MYO5B: variants seen among roughly 807,000 people sequenced by gnomAD.
MYO5B encodes unconventional myosin-Vb.
MYO5B carries 143 observed loss-of-function variants against 229.3 expected under a neutral mutation model. The observed-to-expected ratio is 0.62, with a 90% CI of 0.54 to 0.72. MYO5B has a LOEUF of 0.72. Among genes scored for constraint, MYO5B ranks in the 30% least tolerant of loss-of-function variants. MYO5B has a pLI of 0.00. For synonymous variants in MYO5B, 918 were observed against 885.2 expected (o/e 1.04, Z -0.66); for missense variants, 2,321 against 2,331.0 (o/e 1.00, Z 0.09).
chr18:50,074,743 C>T (rs2852091), intron 1 of MYO5B, among the ~76,000 whole-genome samples: 39,218 of 152,052 alleles, frequency 0.26, 5,580 homozygotes, highest in Admixed American at 0.36. Flanking sequence ...TTATCTGAAA[C>T]GATCAGGTTC....
chr18:49,839,378 T>C, intron 35 of MYO5B, 84 bp from the exon 36 acceptor site: 2 of 1,532,668 alleles, frequency 1.3e-6, no homozygotes, highest in Non-Finnish European at 1.8e-6. Context: ...ACTTTAGTCA[T>C]CTATTTGGTG....
At chr18:49,942,487 G>C (rs1418658477) in intron 14 of MYO5B, among the ~76,000 whole-genome samples, 12 of 149,384 alleles carry the variant, frequency 8.0e-5, no homozygotes, top group Non-Finnish European at 1.6e-4. Context: ...CTAATATCCA[G>C]AATCTACAAT....
At chr18:50,137,602 A>G (rs1467178083) in intron 1 of MYO5B, among the ~76,000 whole-genome samples, 1 of 152,192 alleles carries the variant, frequency 6.6e-6, no homozygotes, top group Non-Finnish European at 1.5e-5. Context: ...AAACAGAACC[A>G]CCATTCAACT....
intron 32 of MYO5B, 32 bp from the exon 33 acceptor site, chr18:49,847,321 G>T (rs369740451): frequency 6.2e-7 from 1 of 1,608,336 alleles, no homozygotes. Context: ...AAGCATGGAT[G>T]AGACTTCCAG....
At chr18:49,844,409 C>A (rs572963279) in intron 33 of MYO5B, among the ~76,000 whole-genome samples, 3 of 152,178 alleles carry the variant, frequency 2.0e-5, no homozygotes, top group Non-Finnish European at 4.4e-5. Context: ...CCCTCCCAAA[C>A]GAGGCCTCAT....
chr18:50,026,372 A>G (rs553957489), intron 4 of MYO5B, among the ~76,000 whole-genome samples: 1 of 152,382 alleles, frequency 6.6e-6, no homozygotes, highest in East Asian at 1.9e-4. Context: ...AGCCACTAAC[A>G]GTGCAATTTC....
chr18:50,093,732 C>T (rs139921475), intron 1 of MYO5B, among the ~76,000 whole-genome samples: 6 of 151,724 alleles, frequency 4.0e-5, no homozygotes, highest in African/African-American at 7.3e-5. Flanking sequence ...TCGTCCTCAG[C>T]GCTCATTAAA....
At chr18:49,873,513 T>TC (rs1598848318) in intron 26 of MYO5B, among the ~76,000 whole-genome samples, 1 of 152,180 alleles carries the variant, frequency 6.6e-6, no homozygotes, top group East Asian at 1.9e-4. Flanking sequence ...TTAAAACCCC[T>TC]CCAAGGTACC....
At chr18:50,077,482 AAAACACACACACACACAC>A (rs1225765768) in intron 1 of MYO5B, among the ~76,000 whole-genome samples, 1 of 122,208 alleles carries the variant, frequency 8.2e-6, no homozygotes, top group Non-Finnish European at 1.8e-5. Flanking sequence ...TGATCAAGGC[AAAACACACACACACACAC>A]AAACACACAC....
chr18:49,933,940 A>G (rs1382290117), intron 16 of MYO5B, among the ~76,000 whole-genome samples: 2 of 152,146 alleles, frequency 1.3e-5, no homozygotes, highest in African/African-American at 2.4e-5. Context: ...CAGTGACACA[A>G]TCACAGCTCA....
At chr18:50,079,087 G>A (rs1288704341) in intron 1 of MYO5B, among the ~76,000 whole-genome samples, 1 of 152,232 alleles carries the variant, frequency 6.6e-6, no homozygotes, top group African/African-American at 2.4e-5. Flanking sequence ...GTGACTGCAA[G>A]GGCACACAAA....
chr18:49,961,116 C>T (rs1408492339), intron 12 of MYO5B, among the ~76,000 whole-genome samples: 1 of 152,094 alleles, frequency 6.6e-6, no homozygotes, highest in East Asian at 1.9e-4. Flanking sequence ...ATGCTGAAAC[C>T]AAGAAAATAA....
chr18:50,002,011 G>A (rs2026052940), intron 4 of MYO5B, among the ~76,000 whole-genome samples: 1 of 139,554 alleles, frequency 7.2e-6, no homozygotes, highest in Admixed American at 7.5e-5. Flanking sequence ...ACTCCAGCGT[G>A]GGCAACAGAG....
At chr18:49,912,696 G>A (rs544367210) in intron 17 of MYO5B, among the ~76,000 whole-genome samples, 1 of 152,126 alleles carries the variant, frequency 6.6e-6, no homozygotes, top group South Asian at 2.1e-4. Context: ...TTTGTCTTCC[G>A]CCATGACTGT....
chr18:49,917,633 CT>C (rs1447412287), intron 17 of MYO5B, among the ~76,000 whole-genome samples: 5 of 152,332 alleles, frequency 3.3e-5, no homozygotes, highest in African/African-American at 1.2e-4. Context: ...GTCTTTTAAC[CT>C]AATCACCCAA....
At chr18:49,998,021 CAAGGTCCCAGATAG>C (rs2026008595) in intron 5 of MYO5B, among the ~76,000 whole-genome samples, 3 of 152,172 alleles carry the variant, frequency 2.0e-5, no homozygotes, top group South Asian at 4.1e-4. Context: ...CTTCCTGATA[CAAGGTCCCAGATAG>C]AGTCGACTTA....
At chr18:50,057,095 T>A (rs1294925720) in intron 1 of MYO5B, among the ~76,000 whole-genome samples, 1 of 152,212 alleles carries the variant, frequency 6.6e-6, no homozygotes, top group Admixed American at 6.5e-5. Context: ...ATATAAGGAA[T>A]GTTCTGAGGT....
intron 1 of MYO5B, among the ~76,000 whole-genome samples, chr18:50,186,212 T>C (rs906238704): frequency 2.0e-5 from 3 of 152,238 alleles, no homozygotes; most frequent in Non-Finnish European, 4.4e-5. Flanking sequence ...TCATCGCAAG[T>C]GCTCAGCAGC....
At chr18:49,950,735 T>G (rs1235322440) in intron 14 of MYO5B, among the ~76,000 whole-genome samples, 2 of 152,166 alleles carry the variant, frequency 1.3e-5, no homozygotes, top group African/African-American at 2.4e-5. Context: ...TTTTATATAT[T>G]TCTACAATAC....
Sources: gnomAD v4.1 joint callset for allele counts (sites outside exome capture counted in the v4.1 genomes callset) on GRCh38, gnomAD v4.1.1 for gene constraint, MANE v1.5 for transcripts, NCBI Gene and HGNC (gene_info 2026-07-23, HGNC 2026-07-21) for gene names.